Variants in PUM1 observed in about 807,000 individuals in gnomAD.
PUM1 encodes the protein pumilio homolog 1.
Under a neutral mutation model 131.8 loss-of-function variants are expected in PUM1, and 13 were observed. The ratio of observed to expected loss-of-function variants is 0.10; its 90% CI spans 0.06 to 0.16. PUM1 has a LOEUF of 0.16. PUM1 is among the 10% of genes least tolerant of loss of function. The pLI, the probability that PUM1 is intolerant of heterozygous loss-of-function variation, is 1.00. For missense variants in PUM1, 961 were observed against 1,512.4 expected, an observed-to-expected ratio of 0.64 and a Z score of 6.05; for synonymous variants, 509 against 556.5, an observed-to-expected ratio of 0.91 and a Z score of 1.20.
At chr1:31,003,205 C>A (rs1390869429) in intron 5 of PUM1, among the ~76,000 whole-genome samples, 1 of 152,172 alleles carries the variant, frequency 6.6e-6, no homozygotes, top group Non-Finnish European at 1.5e-5. Flanking sequence ...CTACCAAGTA[C>A]CACTCCTCCT....
chr1:30,960,625 C>T (rs752059159), intron 14 of PUM1, among the ~76,000 whole-genome samples: 4 of 151,964 alleles, frequency 2.6e-5, no homozygotes, highest in Admixed American at 6.6e-5. Flanking sequence ...AAGATAAAAC[C>T]GGAACATAAT....
intron 10 of PUM1, among the ~76,000 whole-genome samples, chr1:30,973,988 TAAGG>T (rs1364369547): frequency 6.6e-6 from 1 of 151,590 alleles, no homozygotes; most frequent in East Asian, 1.9e-4. Context: ...CTCAGGAGGC[TAAGG>T]CAGGAGAACT....
At chr1:30,976,089 C>CAA (rs11398686) in intron 9 of PUM1, among the ~76,000 whole-genome samples, 21,459 of 131,066 alleles carry the variant, frequency 0.16, 2,310 homozygotes, top group Admixed American at 0.31. Flanking sequence ...AGTGTGTCTC[C>CAA]AAAAAAAAAA....
chr1:31,031,921 CCTCT>C (rs1643445523), intron 2 of PUM1, among the ~76,000 whole-genome samples: 2 of 151,478 alleles, frequency 1.3e-5, no homozygotes, highest in East Asian at 1.9e-4. Flanking sequence ...TTCTTCTCTC[CCTCT>C]CTTTTTCTCT....
At chr1:31,065,084 A>C (rs940341974) in intron 1 of PUM1, among the ~76,000 whole-genome samples, 1 of 152,102 alleles carries the variant, frequency 6.6e-6, no homozygotes, top group East Asian at 1.9e-4. Flanking sequence ...CTCCACATTT[A>C]AGGCTCGCAA....
intron 16 of PUM1, among the ~76,000 whole-genome samples, chr1:30,950,614 C>G (rs1244411114): frequency 6.6e-6 from 1 of 152,234 alleles, no homozygotes; most frequent in Non-Finnish European, 1.5e-5. Context: ...AAACCCAGCA[C>G]TTTGGGAGGC....
At chr1:30,973,401 T>G (rs1641008192) in intron 10 of PUM1, among the ~76,000 whole-genome samples, 1 of 152,206 alleles carries the variant, frequency 6.6e-6, no homozygotes, top group South Asian at 2.1e-4. Context: ...TATCGAAGCC[T>G]AAGTGCTGAT....
At chr1:31,016,729 G>T (rs1642832616) in intron 3 of PUM1, among the ~76,000 whole-genome samples, 1 of 152,052 alleles carries the variant, frequency 6.6e-6, no homozygotes, top group African/African-American at 2.4e-5. Flanking sequence ...TTTTTACCCT[G>T]TTGTTTCAAA....
intron 5 of PUM1, among the ~76,000 whole-genome samples, chr1:30,996,036 C>T (rs990973740): frequency 2.0e-5 from 3 of 152,144 alleles, no homozygotes; most frequent in East Asian, 1.9e-4. Context: ...CTCCTCTTAC[C>T]GACATCCCAA....
At chr1:30,981,472 CT>C (rs2124469582) in intron 7 of PUM1, 67 bp from the exon 8 acceptor site, 1 of 1,034,908 alleles carries the variant, frequency 9.7e-7, no homozygotes, top group Admixed American at 2.3e-5. Context: ...AAAAACCTCT[CT>C]GACTAAAAAT....
chr1:31,003,248 T>C (rs1642278951), intron 5 of PUM1, among the ~76,000 whole-genome samples: 1 of 152,224 alleles, frequency 6.6e-6, no homozygotes, highest in South Asian at 2.1e-4. Context: ...GCAGAAATCC[T>C]ATCTTCCTGG....
rs140137658 is a variant in PUM1 at position 30,979,787 on chromosome 1, G to A, written c.1354+275C>T. Among the ~76,000 whole-genome samples, 958 of 152,160 alleles carry A rather than the reference G, an allele frequency of 6.3e-3. 9 individuals are homozygous for A. The highest frequency in any genetic ancestry group is 0.021 in the African/African-American group (890 of 41,486). ...GGTGGTAGGAGATCTGGGCAAGGGG[G>A]GAAATTCCCAAAATATAAATGAGTA... On this transcript the variant is annotated intron_variant, in intron 9 of 21. Coordinates refer to ENST00000426105, the MANE Select transcript of PUM1 (RefSeq NM_001020658.2).
intron 5 of PUM1, among the ~76,000 whole-genome samples, chr1:31,005,209 AG>A (rs1304601703): frequency 4.6e-5 from 7 of 152,260 alleles, no homozygotes; most frequent in African/African-American, 1.7e-4. Context: ...AGACTTAAAA[AG>A]AAAAAGGCTA....
At chr1:31,037,354 G>A (rs1643643791) in intron 2 of PUM1, 1 of 152,174 alleles carries the variant, frequency 6.6e-6, no homozygotes, top group South Asian at 2.1e-4. Flanking sequence ...TATTTTCCAA[G>A]ACTAGCAGGT....
intron 7 of PUM1, among the ~76,000 whole-genome samples, chr1:30,984,037 C>T (rs1381004521): frequency 2.6e-5 from 4 of 152,108 alleles, no homozygotes; most frequent in African/African-American, 4.8e-5. Flanking sequence ...GTGGTTTTCA[C>T]CACCACATTA....
intron 2 of PUM1, among the ~76,000 whole-genome samples, chr1:31,056,543 A>C (rs1156350996): frequency 6.7e-6 from 1 of 149,616 alleles, no homozygotes; most frequent in Admixed American, 6.7e-5. Context: ...TTGACCTCCC[A>C]AAGTGTTGAG....
intron 5 of PUM1, among the ~76,000 whole-genome samples, chr1:31,003,542 A>G (rs1391154139): frequency 6.6e-6 from 1 of 152,130 alleles, no homozygotes; most frequent in Non-Finnish European, 1.5e-5. Flanking sequence ...AGATCACCTG[A>G]GGTCAGGAGT....
At chr1:31,035,083 C>G (rs1643563522) in intron 2 of PUM1, among the ~76,000 whole-genome samples, 1 of 152,190 alleles carries the variant, frequency 6.6e-6, no homozygotes, top group African/African-American at 2.4e-5. Context: ...ATTACTAAGA[C>G]TTACTTTGTG....
At chr1:30,943,106 ATAG>A (rs1253886003) in intron 18 of PUM1, among the ~76,000 whole-genome samples, 3 of 152,170 alleles carry the variant, frequency 2.0e-5, no homozygotes. Flanking sequence ...GTAAAGATAA[ATAG>A]TATACTGTAT....
Sources: allele counts gnomAD v4.1 joint callset (sites outside exome capture counted in the v4.1 genomes callset), GRCh38; gene constraint gnomAD v4.1.1; transcripts MANE v1.5; gene names NCBI Gene and HGNC (gene_info 2026-07-23, HGNC 2026-07-21).